PPP1R12C: variants seen among roughly 807,000 people sequenced by gnomAD.
PPP1R12C encodes leukocyte receptor cluster (LRC) encoded novel gene 3.
Under a neutral mutation model 95.6 loss-of-function variants are expected in PPP1R12C, and 48 were observed. The observed-to-expected ratio is 0.50, with a 90% CI of 0.40 to 0.64. PPP1R12C has a LOEUF of 0.64. Among genes scored for constraint, PPP1R12C ranks in the 30% least tolerant of loss-of-function variants. The pLI, the probability that PPP1R12C is intolerant of heterozygous loss-of-function variation, is 0.00. For synonymous variants in PPP1R12C, 480 were observed against 460.8 expected (o/e 1.04, Z -0.53); for missense variants, 1,057 against 1,083.3 (o/e 0.98, Z 0.34).
chr19:55,117,454 C>T lies in PPP1R12C; in HGVS notation c.90G>A (p.Gly30=). 1 of 997,908 alleles carries T rather than the reference C, an allele frequency of 1.0e-6. No individual in the cohort carries two copies. Among genetic ancestry groups the T allele is most frequent in the Non-Finnish European group, 1.2e-6 (1 of 840,974 alleles). The allele number at this position is 997,908 out of a possible 1,614,324, so 61.8% of individuals were successfully genotyped here. The change falls in exon 1 of 22, where the codon GGG becomes GGA. Residue 30 remains glycine, a synonymous_variant. Transcript: ENST00000263433. ...ERRREQLRQW[G]ARAGAEPGPG... is the part of the protein sequence containing the mutation. ...GGCCAGGCTCGGCGCCCGCCCGCGCCCCCCACTGCCGCAGCTGCTCCCGTC... is the reference window on the plus strand; with the variant it reads ...GGCCAGGCTCGGCGCCCGCCCGCGCTCCCCACTGCCGCAGCTGCTCCCGTC...
In PPP1R12C at chr19:55,091,091, C is replaced by T. The variant is rs551422878; in HGVS notation, c.*381G>A. On this transcript the variant is annotated 3_prime_UTR_variant, in exon 22 of 22. Transcript: ENST00000263433. ...TGGCTGAGGCTGGCGGGACTCTTGG[C>T]ACATTCTTGGATCCCTGCTCAGGAG... is the stretch of plus-strand genomic sequence containing the variant. 45 of 280,688 alleles carry T rather than the reference C, an allele frequency of 1.6e-4. No individual in the cohort carries two copies. The highest frequency in any genetic ancestry group is 9.2e-4 in the African/African-American group (42 of 45,460). 17.4% of individuals were successfully genotyped at this position (280,688 alleles called of 1,614,324 possible).
Position 55,112,796 on chromosome 19 carries a change from C to T in PPP1R12C, c.322-1G>A. On this transcript the variant is annotated splice_acceptor_variant, in intron 1 of 21. Coordinates refer to ENST00000263433, the MANE Select transcript of PPP1R12C (RefSeq NM_017607.4). LOFTEE classifies it high-confidence loss of function. ...CCTCCAGGTTCTCATCAATGCAGGC[C>T]TGGGGGTGGGAAACAGCCGTCAGCC... The T allele has an allele frequency of 6.2e-7, 1 of 1,612,412 alleles. No homozygotes were observed. The highest frequency in any genetic ancestry group is 8.5e-7 in the Non-Finnish European group (1 of 1,179,900).
chr19:55,092,093 T>C (rs2084849207), intron 19 of PPP1R12C, 129 bp downstream of exon 19: 3 of 1,094,276 alleles, frequency 2.7e-6, no homozygotes, highest in African/African-American at 1.6e-5. Flanking sequence ...GCCTCCGAGA[T>C]CTCGGCCCCG....
intron 3 of PPP1R12C, among the ~76,000 whole-genome samples, chr19:55,105,546 A>G (rs116117194): frequency 1.8e-3 from 272 of 152,324 alleles, no homozygotes; most frequent in African/African-American, 6.3e-3. Flanking sequence ...CCTGTTTTAA[A>G]GTGCACAATT....
chr19:55,100,409 C>T (rs1488259816), intron 4 of PPP1R12C, among the ~76,000 whole-genome samples: 2 of 152,202 alleles, frequency 1.3e-5, no homozygotes, highest in African/African-American at 2.4e-5. Context: ...GGGACGGCCC[C>T]GCAGCAAGAG....
intron 1 of PPP1R12C, 142 bp downstream of exon 1, chr19:55,117,081 C>T (rs2085162053): frequency 4.6e-6 from 3 of 651,576 alleles, no homozygotes; most frequent in Non-Finnish European, 6.3e-6. Flanking sequence ...GGGACTGGGA[C>T]GGGGTGTCAG....
intron 3 of PPP1R12C, among the ~76,000 whole-genome samples, chr19:55,110,533 T>C (rs1291604139): frequency 6.6e-6 from 1 of 152,144 alleles, no homozygotes; most frequent in African/African-American, 2.4e-5. Context: ...AGGTTTTCCT[T>C]GTGGCAGGAG....
At position 55,091,520 on chromosome 19, in the gene PPP1R12C, C is replaced by G. The variant is rs2084838996; in HGVS notation, c.2301G>C (p.Lys767Asn). 6.2e-7 allele frequency: 1 copy of G among 1,614,022 alleles called. No individual in the cohort carries two copies. ...CGCGGATCAACGCTGCATTCTCATCCTTGAGGCGCTGGTTGTCAGCGCGGA... is the reference window on the plus strand; with the variant it reads ...CGCGGATCAACGCTGCATTCTCATCGTTGAGGCGCTGGTTGTCAGCGCGGA... Reference protein sequence around the residue: ...SDLRADNQRLKDENAALIRVI... With the variant: ...SDLRADNQRLNDENAALIRVI... Residue 767 changes from lysine to asparagine, a missense_variant, in exon 22 of 22, where the codon AAG becomes AAC. Lys to Asn is a moderately conservative substitution (Grantham distance 94, BLOSUM62 0). This residue lies in a region of PPP1R12C where 347 missense variants were observed against 307.9 expected (regional missense o/e 1.13). Coordinates refer to ENST00000263433, the MANE Select transcript of PPP1R12C (RefSeq NM_017607.4).
chr19:55,116,457 C>A (rs1051730253), intron 1 of PPP1R12C, among the ~76,000 whole-genome samples: 4 of 152,100 alleles, frequency 2.6e-5, no homozygotes, highest in Admixed American at 2.0e-4. Flanking sequence ...GAAGACGGAA[C>A]CTGAAGGAGG....
chr19:55,093,117 C>T (rs1280891239), intron 14 of PPP1R12C, 36 bp downstream of exon 14: 12 of 1,613,098 alleles, frequency 7.4e-6, no homozygotes, highest in South Asian at 1.1e-5. Context: ...CAGGACATCC[C>T]GCACCACCCC....
In PPP1R12C at chr19:55,094,645, G is replaced by A. The variant is rs1437882055; in HGVS notation, c.1592+16C>T. 5 of 1,572,824 alleles carry A rather than the reference G, an allele frequency of 3.2e-6. No homozygotes were observed. The highest frequency in any genetic ancestry group is 1.4e-5 in the African/African-American group (1 of 74,020). On this transcript the variant is annotated intron_variant, in intron 12 of 21. Transcript: ENST00000263433. ...CTGGGGGCGGGGGCGGCAGCTTCCT[G>A]CCCTGGCCTCTTCACCTCCGTCGGT...
chr19:55,104,697 C>T (rs1473857770), intron 3 of PPP1R12C, among the ~76,000 whole-genome samples: 5 of 146,460 alleles, frequency 3.4e-5, no homozygotes, highest in Non-Finnish European at 1.5e-5. Flanking sequence ...GACTCCGTCT[C>T]CAAAAAAAAA....
chr19:55,108,402 G>A (rs2085061477), intron 3 of PPP1R12C, among the ~76,000 whole-genome samples: 2 of 151,726 alleles, frequency 1.3e-5, no homozygotes, highest in African/African-American at 4.8e-5. Context: ...GCCAAGGTGG[G>A]TGGATCACTT....
At position 55,103,564 on chromosome 19, in the gene PPP1R12C, C is replaced by A. The variant is rs1177822889; in HGVS notation, c.576G>T (p.Val192=). 6.3e-7 allele frequency: 1 copy of A among 1,578,886 alleles called. No individual in the cohort carries two copies. Among genetic ancestry groups the A allele is most frequent in the Non-Finnish European group, 8.7e-7 (1 of 1,155,472 alleles). The change falls in exon 4 of 22, where the codon GTG becomes GTT. Residue 192 remains valine (V), a synonymous_variant. Transcript: ENST00000263433. ...CTGCCCGCTTGGCTGCTTCCACATC[C>A]ACACCTAGGAGGATAAGAGGCACGA... ...LLKAEIARRG[V]DVEAAKRAEE...
At chr19:55,117,021 T>C (rs141958569) in intron 1 of PPP1R12C, among the ~76,000 whole-genome samples, 209 of 151,918 alleles carry the variant, frequency 1.4e-3, no homozygotes, top group African/African-American at 4.6e-3. Context: ...CCAGGGCCAG[T>C]TGAAGCGGCT....
At chr19:55,103,683 T>C in intron 3 of PPP1R12C, 115 bp from the exon 4 acceptor site, 1 of 1,014,398 alleles carries the variant, frequency 9.9e-7, no homozygotes, top group South Asian at 2.5e-5. Flanking sequence ...CTCTTCCCCC[T>C]GCTCCCCTCT....
At chr19:55,113,826 G>A (rs961828770) in intron 1 of PPP1R12C, 5 of 211,610 alleles carry the variant, frequency 2.4e-5, no homozygotes, top group Admixed American at 5.9e-5. Flanking sequence ...CGATAGGGGA[G>A]GGGGGCAAGG....
intron 6 of PPP1R12C, among the ~76,000 whole-genome samples, 198 bp from the exon 7 acceptor site, chr19:55,096,533 G>A (rs549367196): frequency 7.9e-5 from 12 of 152,166 alleles, no homozygotes; most frequent in Admixed American, 7.2e-4. Flanking sequence ...CAGCTGCCAC[G>A]TGCAGGCACT....
chr19:55,111,412 C>G (rs1463167314), intron 3 of PPP1R12C: 2 of 152,184 alleles, frequency 1.3e-5, no homozygotes, highest in Non-Finnish European at 2.9e-5. Context: ...ATTGCTTCAA[C>G]TTTTCTGTAA....
Sources: allele counts gnomAD v4.1 joint callset (sites outside exome capture counted in the v4.1 genomes callset), GRCh38; gene constraint gnomAD v4.1.1; regional missense constraint gnomAD v4.1.1; transcripts MANE v1.5; gene names NCBI Gene and HGNC (gene_info 2026-07-23, HGNC 2026-07-21).